Variants in RNF216 observed in about 807,000 individuals in gnomAD.
The protein encoded by RNF216 is ring finger protein 216, also known as E3 ubiquitin-protein ligase RNF216.
RNF216 carries 72 observed loss-of-function variants against 110.8 expected under a neutral mutation model. The observed-to-expected ratio is 0.65, with a 90% CI of 0.54 to 0.79. The LOEUF is 0.79. Ranked by LOEUF, RNF216 falls within the 30% of genes least tolerant of loss-of-function variation. The pLI is 0.00. For synonymous variants in RNF216, 495 were observed against 407.5 expected (o/e 1.21, Z -2.59); for missense variants, 1,342 against 1,141.2 (o/e 1.18, Z -2.54).
intron 2 of RNF216, chr7:5,760,464 C>A (rs778627832): frequency 7.9e-6 from 3 of 381,342 alleles, no homozygotes; most frequent in South Asian, 5.7e-5. Flanking sequence ...CGTGGTGAGT[C>A]GAGATTACGC....
At chr7:5,765,002 C>T (rs1584603537) in intron 1 of RNF216, among the ~76,000 whole-genome samples, 1 of 151,106 alleles carries the variant, frequency 6.6e-6, no homozygotes, top group South Asian at 2.1e-4. Context: ...CCCATGAGTT[C>T]CAAGTTTACA....
intron 15 of RNF216, among the ~76,000 whole-genome samples, chr7:5,633,405 G>T (rs1035065883): frequency 6.6e-5 from 10 of 151,936 alleles, no homozygotes; most frequent in African/African-American, 1.9e-4. Flanking sequence ...GTGAAACCCC[G>T]TCTCTACTAA....
intron 2 of RNF216, among the ~76,000 whole-genome samples, chr7:5,759,633 C>CTTCTTCTTTTTTTTT (rs59390560): frequency 7.6e-6 from 1 of 131,182 alleles, no homozygotes; most frequent in Non-Finnish European, 1.6e-5. Flanking sequence ...CATTTTTCTT[C>CTTCTTCTTTTTTTTT]TTTTTTTTTT....
At chr7:5,719,636 A>G (rs1005371838) in intron 9 of RNF216, among the ~76,000 whole-genome samples, 1 of 152,248 alleles carries the variant, frequency 6.6e-6, no homozygotes, top group African/African-American at 2.4e-5. Context: ...CTTATCTGAT[A>G]AGATTGGTGA....
At chr7:5,682,571 C>G (rs980404653) in intron 13 of RNF216, among the ~76,000 whole-genome samples, 1 of 152,140 alleles carries the variant, frequency 6.6e-6, no homozygotes, top group African/African-American at 2.4e-5. Flanking sequence ...CCATGCCGGG[C>G]TATTTTTGTA....
At chr7:5,669,916 G>A (rs1359677871) in intron 13 of RNF216, among the ~76,000 whole-genome samples, 1 of 151,762 alleles carries the variant, frequency 6.6e-6, no homozygotes, top group African/African-American at 2.4e-5. Context: ...ATTGTGGATG[G>A]TGCGTTTGGA....
chr7:5,765,273 C>T (rs535389595), intron 1 of RNF216, among the ~76,000 whole-genome samples: 1 of 151,850 alleles, frequency 6.6e-6, no homozygotes, highest in African/African-American at 2.4e-5. Flanking sequence ...CCAGCCTGGG[C>T]AACACAGTGA....
chr7:5,746,519 G>C (rs943239218), intron 3 of RNF216, among the ~76,000 whole-genome samples: 8 of 152,118 alleles, frequency 5.3e-5, no homozygotes, highest in African/African-American at 1.9e-4. Context: ...GGAATCTGTG[G>C]GTATGTGGAT....
intron 7 of RNF216, among the ~76,000 whole-genome samples, chr7:5,726,970 C>T (rs1351884127): frequency 2.6e-5 from 4 of 152,116 alleles, no homozygotes; most frequent in Admixed American, 1.3e-4. Flanking sequence ...ATTCCGCCTG[C>T]AAGAGAAGAA....
chr7:5,644,706 T>C (rs1449165999), intron 14 of RNF216, among the ~76,000 whole-genome samples: 3 of 152,152 alleles, frequency 2.0e-5, no homozygotes, highest in Non-Finnish European at 4.4e-5. Context: ...GGTTTCACCA[T>C]GTTGTCCAGG....
intron 15 of RNF216, among the ~76,000 whole-genome samples, chr7:5,634,278 T>A (rs1163712973): frequency 6.7e-6 from 1 of 149,082 alleles, no homozygotes; most frequent in Non-Finnish European, 1.5e-5. Flanking sequence ...GAATTGCAAG[T>A]CGACTGGTGC....
intron 3 of RNF216, among the ~76,000 whole-genome samples, chr7:5,749,149 ATTT>A (rs71004700): frequency 3.5e-3 from 402 of 114,958 alleles, no homozygotes; most frequent in African/African-American, 0.01. Context: ...ATGCCCATGT[ATTT>A]TTTTTTTTTT....
chr7:5,757,254 T>C lies in RNF216; in HGVS notation c.67+3749A>G, dbSNP rs528081628. ...CCAATTCTGTTTTTAGATCTGCCAA[T>C]TTTTGCTTTGTATATTTTCCTATCA... On this transcript the variant is annotated intron_variant, in intron 2 of 16. Transcript: ENST00000389902. Among the ~76,000 whole-genome samples the C allele has an allele frequency of 9.2e-5, 14 of 152,336 alleles. No individual in the cohort carries two copies. The South Asian group carries it at 2.9e-3, about 32-fold the overall frequency.
At chr7:5,781,202 G>C (rs898597078) in intron 1 of RNF216, among the ~76,000 whole-genome samples, 15 of 152,108 alleles carry the variant, frequency 9.9e-5, no homozygotes, top group African/African-American at 3.1e-4. Context: ...GGCGGCCTCG[G>C]GCCCGGGGGA....
intron 12 of RNF216, 160 bp from the exon 13 acceptor site, chr7:5,711,999 C>A (rs1282028538): frequency 3.2e-6 from 2 of 622,462 alleles, no homozygotes; most frequent in African/African-American, 1.9e-5. Flanking sequence ...TGAACCTCTT[C>A]TTTGTGCTGG....
At chr7:5,756,498 G>A (rs1444149348) in intron 2 of RNF216, among the ~76,000 whole-genome samples, 2 of 152,174 alleles carry the variant, frequency 1.3e-5, no homozygotes, top group Non-Finnish European at 2.9e-5. Context: ...GGGTTCAAGC[G>A]ATTCTCAGGC....
intron 13 of RNF216, among the ~76,000 whole-genome samples, chr7:5,695,944 G>A (rs747533081): frequency 6.6e-6 from 1 of 152,182 alleles, no homozygotes; most frequent in Non-Finnish European, 1.5e-5. Flanking sequence ...CCGTCAGAAC[G>A]CATCCAAGGA....
At chr7:5,702,752 A>T (rs1385572097) in intron 13 of RNF216, among the ~76,000 whole-genome samples, 1 of 152,234 alleles carries the variant, frequency 6.6e-6, no homozygotes, top group Non-Finnish European at 1.5e-5. Context: ...AATTTTAAAA[A>T]GTGAAAACTG....
intron 1 of RNF216, among the ~76,000 whole-genome samples, chr7:5,780,922 C>A (rs1468863958): frequency 6.6e-6 from 1 of 152,228 alleles, no homozygotes; most frequent in African/African-American, 2.4e-5. Flanking sequence ...GGGAGCAGAA[C>A]CACCTCGACG....
Sources: gnomAD v4.1 joint callset for allele counts (sites outside exome capture counted in the v4.1 genomes callset) on GRCh38, gnomAD v4.1.1 for gene constraint, MANE v1.5 for transcripts, NCBI Gene and HGNC (gene_info 2026-07-23, HGNC 2026-07-21) for gene names.